SPATA16: variants seen among roughly 807,000 people sequenced by gnomAD.
SPATA16 encodes spermatogenesis associated 16, also known as spermatogenesis-associated protein 16.
SPATA16 carries 36 observed loss-of-function variants against 63.3 expected under a neutral mutation model. That is an observed-to-expected ratio of 0.57 (90% CI 0.44 to 0.75). The LOEUF (loss-of-function observed/expected upper bound fraction) is 0.75. Among genes scored for constraint, SPATA16 ranks in the 30% least tolerant of loss-of-function variants. SPATA16 has a pLI of 0.00. For missense variants in SPATA16, 646 were observed against 679.3 expected (o/e 0.95, Z 0.54); for synonymous variants, 203 against 216.7 (o/e 0.94, Z 0.56).
At chr3:173,059,832 C>CTTTTTTTTTTTTTTTTT (rs201000096) in intron 2 of SPATA16, among the ~76,000 whole-genome samples, 2 of 71,304 alleles carry the variant, frequency 2.8e-5, no homozygotes, top group Non-Finnish European at 2.7e-5. Flanking sequence ...CATTTGGTAG[C>CTTTTTTTTTTTTTTTTT]TTTTTTTTTT....
chr3:172,906,149 T>C (rs1732232649), intron 10 of SPATA16, among the ~76,000 whole-genome samples: 2 of 152,212 alleles, frequency 1.3e-5, no homozygotes, highest in East Asian at 1.9e-4. Flanking sequence ...TGGTGCTTTT[T>C]TTTAAGACCC....
chr3:172,955,049 A>G lies in SPATA16; in HGVS notation c.1081+1628T>C, dbSNP rs116017682. On this transcript the variant is annotated intron_variant, in intron 6 of 10. Transcript: ENST00000351008. ...CCAAAGTGTAAGATTCTTTAGCATG[A>G]ATCGTCTTGCCAACAGATCATAATT... is the stretch of plus-strand genomic sequence containing the variant. Among the ~76,000 whole-genome samples, 1,484 of 152,328 alleles carry G rather than the reference A, an allele frequency of 9.7e-3. 22 individuals are homozygous for G. Among genetic ancestry groups the G allele is most frequent in the African/African-American group, 0.033 (1,358 of 41,570 alleles).
At chr3:173,064,014 G>A (rs1410013514) in intron 2 of SPATA16, among the ~76,000 whole-genome samples, 1 of 152,138 alleles carries the variant, frequency 6.6e-6, no homozygotes, top group East Asian at 1.9e-4. Context: ...ACATACAGAA[G>A]ATGGAAGTGA....
intron 2 of SPATA16, among the ~76,000 whole-genome samples, chr3:173,061,356 T>C (rs1567715): frequency 0.2 from 31,068 of 152,146 alleles, 3,806 homozygotes; most frequent in African/African-American, 0.35. Flanking sequence ...GGGCATGCAA[T>C]GGATATAGGT....
At chr3:173,094,717 G>C (rs1307912782) in intron 2 of SPATA16, among the ~76,000 whole-genome samples, 1 of 141,072 alleles carries the variant, frequency 7.1e-6, no homozygotes, top group African/African-American at 2.6e-5. Flanking sequence ...TCAAATCCTG[G>C]TTTCCATGAA....
At chr3:172,969,819 A>C (rs1734006821) in intron 5 of SPATA16, among the ~76,000 whole-genome samples, 1 of 152,174 alleles carries the variant, frequency 6.6e-6, no homozygotes, top group Admixed American at 6.6e-5. Context: ...GGCTAATAGA[A>C]TGTTAGAAAC....
chr3:173,117,067 CTTTCCA>C, intron 2 of SPATA16, 47 bp downstream of exon 2: 1 of 1,567,094 alleles, frequency 6.4e-7, no homozygotes, highest in Non-Finnish European at 8.8e-7. Context: ...GTAATTGCAA[CTTTCCA>C]TTTCATAGTT....
chr3:172,898,145 C>A (rs191348963), intron 10 of SPATA16, among the ~76,000 whole-genome samples: 2 of 151,978 alleles, frequency 1.3e-5, no homozygotes, highest in Non-Finnish European at 2.9e-5. Flanking sequence ...TTGCTAAATT[C>A]TATTTGTTAA....
At chr3:173,126,038 C>T (rs1738218427) in intron 1 of SPATA16, among the ~76,000 whole-genome samples, 1 of 141,320 alleles carries the variant, frequency 7.1e-6, no homozygotes, top group Non-Finnish European at 1.6e-5. Context: ...GGCGCTGTAG[C>T]ATCCTGATTC....
intron 3 of SPATA16, among the ~76,000 whole-genome samples, chr3:173,043,417 A>G (rs1735890618): frequency 6.6e-6 from 1 of 151,924 alleles, no homozygotes; most frequent in South Asian, 2.1e-4. Context: ...GTAAAATTCC[A>G]TTTGTTCTCC....
intron 2 of SPATA16, 71 bp downstream of exon 2, chr3:173,117,049 C>T: frequency 7.0e-7 from 1 of 1,426,298 alleles, no homozygotes; most frequent in African/African-American, 1.4e-5. Flanking sequence ...TGGCCAGAAC[C>T]CCTCAATGTA....
At chr3:172,944,039 C>T (rs9290455) in intron 6 of SPATA16, among the ~76,000 whole-genome samples, 13,329 of 152,006 alleles carry the variant, frequency 0.088, 1,948 homozygotes, top group African/African-American at 0.3. Context: ...ATGTTCAACC[C>T]AATTAACAGT....
intron 2 of SPATA16, among the ~76,000 whole-genome samples, chr3:173,084,646 T>G (rs1737003129): frequency 1.3e-5 from 2 of 152,168 alleles, no homozygotes; most frequent in Non-Finnish European, 2.9e-5. Context: ...GTTTTTATAG[T>G]TTTGGGTTTC....
At chr3:173,031,886 A>G (rs1187173100) in intron 3 of SPATA16, among the ~76,000 whole-genome samples, 1 of 152,146 alleles carries the variant, frequency 6.6e-6, no homozygotes, top group East Asian at 1.9e-4. Context: ...TTTAATTTAC[A>G]TTGAGAAAAA....
chr3:172,933,253 G>C (rs1732910242), intron 6 of SPATA16, among the ~76,000 whole-genome samples: 1 of 152,110 alleles, frequency 6.6e-6, no homozygotes. Context: ...ATGATCACTG[G>C]TTAATTGGCT....
chr3:172,914,226 C>G (rs988757284), intron 9 of SPATA16, among the ~76,000 whole-genome samples: 2 of 152,046 alleles, frequency 1.3e-5, no homozygotes, highest in East Asian at 3.9e-4. Flanking sequence ...CTGTTTTTTT[C>G]TTTGTTAAAA....
intron 2 of SPATA16, among the ~76,000 whole-genome samples, chr3:173,050,303 A>C (rs945971946): frequency 9.2e-5 from 14 of 152,304 alleles, no homozygotes; most frequent in African/African-American, 3.4e-4. Context: ...CAGTATCCAC[A>C]GTCTGAATTG....
chr3:172,912,974 C>T (rs1175623834), intron 10 of SPATA16, among the ~76,000 whole-genome samples: 1 of 152,236 alleles, frequency 6.6e-6, no homozygotes, highest in African/African-American at 2.4e-5. Flanking sequence ...GTTTGTTTCA[C>T]ATCTCCTGAT....
chr3:173,085,132 A>T (rs909292242), intron 2 of SPATA16, among the ~76,000 whole-genome samples: 1 of 152,134 alleles, frequency 6.6e-6, no homozygotes, highest in Non-Finnish European at 1.5e-5. Flanking sequence ...CATGATATTG[A>T]TTCTTCCTAT....
Sources: gnomAD v4.1 joint callset for allele counts (sites outside exome capture counted in the v4.1 genomes callset) on GRCh38, gnomAD v4.1.1 for gene constraint, MANE v1.5 for transcripts, NCBI Gene and HGNC (gene_info 2026-07-23, HGNC 2026-07-21) for gene names.